SHANK2: variants seen among roughly 807,000 people sequenced by gnomAD.
The protein encoded by SHANK2 is SH3 and multiple ankyrin repeat domains 2, also known as SH3 and multiple ankyrin repeat domains protein 2.
SHANK2 carries 43 observed loss-of-function variants against 133.7 expected under a neutral mutation model. The ratio of observed to expected loss-of-function variants is 0.32; its 90% confidence interval spans 0.25 to 0.41. The LOEUF (loss-of-function observed/expected upper bound fraction) is 0.41. SHANK2 is among the 10% of genes least tolerant of loss of function. SHANK2 has a pLI of 1.00. For missense variants in SHANK2, 1,994 were observed against 2,235.8 expected (o/e 0.89, Z 2.18); for synonymous variants, 1,017 against 952.8 (o/e 1.07, Z -1.24).
At chr11:70,938,027 T>C (rs1174410787) in intron 10 of SHANK2, among the ~76,000 whole-genome samples, 2 of 152,212 alleles carry the variant, frequency 1.3e-5, no homozygotes, top group Non-Finnish European at 2.9e-5. Flanking sequence ...TTTATTTTTT[T>C]CTGGCATGTC....
chr11:70,858,820 C>T (rs187818607), intron 11 of SHANK2, among the ~76,000 whole-genome samples: 75 of 152,324 alleles, frequency 4.9e-4, no homozygotes, highest in Middle Eastern at 6.8e-3. Flanking sequence ...TTATCCCTGG[C>T]ATCTGGGAGA....
At chr11:71,167,550 C>A (rs1187674620) in intron 2 of SHANK2, among the ~76,000 whole-genome samples, 1 of 127,946 alleles carries the variant, frequency 7.8e-6, no homozygotes, top group African/African-American at 3.1e-5. Flanking sequence ...GGCTGACCCC[C>A]CCACCTCCCT....
chr11:70,907,276 C>A (rs1434674203), intron 10 of SHANK2, among the ~76,000 whole-genome samples: 2 of 150,460 alleles, frequency 1.3e-5, no homozygotes, highest in Admixed American at 6.6e-5. Flanking sequence ...GATGAAACAG[C>A]CCCTCAGTCC....
At chr11:71,132,552 A>T (rs2135336955) in intron 3 of SHANK2, among the ~76,000 whole-genome samples, 1 of 152,336 alleles carries the variant, frequency 6.6e-6, no homozygotes, top group Admixed American at 6.5e-5. Context: ...GAGCACCTCA[A>T]GTCAAGACGT....
intron 14 of SHANK2, among the ~76,000 whole-genome samples, chr11:70,725,660 C>T (rs966294494): frequency 2.6e-4 from 39 of 152,364 alleles, no homozygotes; most frequent in African/African-American, 9.1e-4. Flanking sequence ...TCCATATCAA[C>T]ACAGAAACAC....
chr11:70,675,105 T>C (rs376527018), intron 15 of SHANK2, among the ~76,000 whole-genome samples: 1 of 152,232 alleles, frequency 6.6e-6, no homozygotes, highest in Non-Finnish European at 1.5e-5. Flanking sequence ...ATCTGTGAGA[T>C]GCCTGAGAGG....
intron 9 of SHANK2, among the ~76,000 whole-genome samples, chr11:71,065,195 G>A (rs908030527): frequency 5.3e-5 from 8 of 152,206 alleles, no homozygotes; most frequent in Admixed American, 6.5e-5. Context: ...TGGAAGCCAC[G>A]TGTGCAGAAC....
chr11:71,165,158 C>A (rs1953115375), intron 2 of SHANK2, among the ~76,000 whole-genome samples: 1 of 151,998 alleles, frequency 6.6e-6, no homozygotes, highest in African/African-American at 2.4e-5. Context: ...CTCAGCCTCC[C>A]AAGAAGCTGG....
chr11:70,694,482 C>T (rs889050137), intron 15 of SHANK2, among the ~76,000 whole-genome samples: 4 of 152,228 alleles, frequency 2.6e-5, no homozygotes, highest in African/African-American at 7.2e-5. Context: ...ACACTTGCAT[C>T]GGCAGTGGGG....
intron 10 of SHANK2, among the ~76,000 whole-genome samples, chr11:70,923,936 C>T (rs1218327513): frequency 6.6e-5 from 10 of 152,210 alleles, no homozygotes; most frequent in Non-Finnish European, 1.2e-4. Context: ...TATAAGAATG[C>T]AGACCGGTGA....
chr11:70,492,797 T>C, intron 21 of SHANK2, among the ~76,000 whole-genome samples: 1 of 141,684 alleles, frequency 7.1e-6, no homozygotes, highest in African/African-American at 2.6e-5. Context: ...GTTTTTTTTT[T>C]TTTTTTTTTT....
chr11:70,538,835 G>A (rs1565110345), intron 17 of SHANK2, among the ~76,000 whole-genome samples: 1 of 152,200 alleles, frequency 6.6e-6, no homozygotes, highest in Non-Finnish European at 1.5e-5. Context: ...GGGGAGGGCT[G>A]AGTGTTGGGG....
chr11:70,562,615 T>C (rs2059920037), intron 17 of SHANK2, among the ~76,000 whole-genome samples: 1 of 152,368 alleles, frequency 6.6e-6, no homozygotes, highest in Admixed American at 6.5e-5. Flanking sequence ...TAATGTGGTA[T>C]ATGCCTTTCC....
chr11:71,161,983 G>C (rs1460866378), intron 2 of SHANK2, among the ~76,000 whole-genome samples: 1 of 152,164 alleles, frequency 6.6e-6, no homozygotes, highest in Non-Finnish European at 1.5e-5. Context: ...AGACAGTGTG[G>C]AGGCTCCCTA....
chr11:70,903,433 A>C (rs1555077258), intron 10 of SHANK2, among the ~76,000 whole-genome samples: 1 of 148,742 alleles, frequency 6.7e-6, no homozygotes, highest in Non-Finnish European at 1.5e-5. Context: ...AATAAAATAA[A>C]ATAAAATAAA....
rs1346461679 is a variant in SHANK2, at chr11:70,711,765, G to A, written c.1778-13002C>T. Among the ~76,000 whole-genome samples, 3 of 152,250 alleles carry A rather than the reference G, an allele frequency of 2.0e-5. No homozygotes were observed. In the East Asian group the frequency reaches 5.8e-4, roughly 29 times the overall value. ...AAGCAACACGTATCACAAAAATGCC[G>A]CCAACTGGCTCGGCTCACTTGTTCC... On this transcript the variant is annotated intron_variant, in intron 14 of 25. Transcript: ENST00000601538.
chr11:70,503,178 A>C (rs573073464), intron 17 of SHANK2, among the ~76,000 whole-genome samples: 1 of 152,290 alleles, frequency 6.6e-6, no homozygotes, highest in South Asian at 2.1e-4. Flanking sequence ...CTGACACTGC[A>C]GCTCTCTGCT....
chr11:70,925,056 G>A (rs1950408266), intron 10 of SHANK2, among the ~76,000 whole-genome samples: 1 of 152,144 alleles, frequency 6.6e-6, no homozygotes, highest in African/African-American at 2.4e-5. Flanking sequence ...TCAGGAAATA[G>A]ACAAAGCCAG....
intron 17 of SHANK2, among the ~76,000 whole-genome samples, chr11:70,521,906 A>G (rs1484650139): frequency 6.6e-6 from 1 of 152,190 alleles, no homozygotes; most frequent in Non-Finnish European, 1.5e-5. Flanking sequence ...GCAGGCTCCT[A>G]CTGGTGGGTC....
Sources: allele counts gnomAD v4.1 joint callset (sites outside exome capture counted in the v4.1 genomes callset), GRCh38; gene constraint gnomAD v4.1.1; transcripts MANE v1.5; gene names NCBI Gene and HGNC (gene_info 2026-07-23, HGNC 2026-07-21).